The following LPIN1 variants were observed in gnomAD, a reference collection of about 807,000 sequenced individuals.
LPIN1 encodes the protein lipin 1.
Under a neutral mutation model 107.5 loss-of-function variants are expected in LPIN1, and 71 were observed. The observed-to-expected ratio is 0.66, with a 90% CI of 0.55 to 0.80. The LOEUF (loss-of-function observed/expected upper bound fraction) is 0.80, where lower values mean the gene tolerates loss of function less well. LPIN1 is among the 30% of genes least tolerant of loss of function. The probability of loss-of-function intolerance (pLI) is 0.00; values close to 1 mark genes in which losing one functional copy is unlikely to be tolerated. For synonymous variants in LPIN1, 445 were observed against 452.6 expected, an observed-to-expected ratio of 0.98 and a Z score of 0.21; for missense variants, 1,043 against 1,160.6, an observed-to-expected ratio of 0.90 and a Z score of 1.47.
chr2:11,772,503 C>T (rs1483377327), intron 4 of LPIN1, among the ~76,000 whole-genome samples: 1 of 152,202 alleles, frequency 6.6e-6, no homozygotes, highest in Non-Finnish European at 1.5e-5. Flanking sequence ...CTTATTTGAG[C>T]ACCAACGATG....
At chr2:11,681,813 G>A (rs1040985311) in intron 1 of LPIN1, among the ~76,000 whole-genome samples, 1 of 152,178 alleles carries the variant, frequency 6.6e-6, no homozygotes, top group Non-Finnish European at 1.5e-5. Context: ...GCTTTTGTTT[G>A]CCACCTGGGT....
upstream of LPIN1, among the ~76,000 whole-genome samples, chr2:11,720,815 A>C (rs1284008152): frequency 6.6e-6 from 1 of 151,904 alleles, no homozygotes; most frequent in Non-Finnish European, 1.5e-5. Flanking sequence ...TGGCTGATCC[A>C]GCTGTCTCCC....
intron 2 of LPIN1, among the ~76,000 whole-genome samples, chr2:11,717,657 A>T (rs4668740): frequency 0.98 from 148,982 of 152,252 alleles, 72,986 homozygotes; most frequent in East Asian, 1. Context: ...TTTAAAAAAA[A>T]TTATTTAGCA....
In LPIN1 at chr2:11,826,977, A is replaced by G. The variant is rs1443633957; in HGVS notation, c.*2186A>G. 6.6e-6 allele frequency: 1 copy of G among 152,652 alleles called. No individual in the cohort carries two copies. Among genetic ancestry groups the G allele is most frequent in the Non-Finnish European group, 1.5e-5 (1 of 68,044 alleles). The allele number at this position is 152,652 out of a possible 1,614,324, so 9.5% of individuals were successfully genotyped here. A position where few individuals can be genotyped will look rare whatever the true frequency, so the allele number is the denominator to read the frequency against. On this transcript the variant is annotated 3_prime_UTR_variant, in exon 21 of 21. Transcript: ENST00000674199. ...TCTGGCTTCTGAAAGTGAGATTTGT[A>G]TATGGGCTGCACTCACGCATATACG...
At chr2:11,766,526 T>C (rs1389276511) in intron 2 of LPIN1, among the ~76,000 whole-genome samples, 2 of 152,042 alleles carry the variant, frequency 1.3e-5, no homozygotes, top group Non-Finnish European at 2.9e-5. Context: ...AATCTACATA[T>C]TTAATAAGCC....
intron 7 of LPIN1, 120 bp from the exon 8 acceptor site, chr2:11,782,081 T>C (rs1214241200): frequency 2.6e-6 from 2 of 783,292 alleles, no homozygotes; most frequent in Non-Finnish European, 4.5e-6. Flanking sequence ...AGGTGATTGT[T>C]GAGGCTTAAA....
rs371467301 is a variant in LPIN1 at position 11,760,354 on chromosome 2, G to A, written c.-9-5179G>A. ...GCGGCTGGGAGGTGGAGGTTGTAGCGAGCCGAGATCACGTCACTGCACTCC... is the reference window on the plus strand; with the variant it reads ...GCGGCTGGGAGGTGGAGGTTGTAGCAAGCCGAGATCACGTCACTGCACTCC... On this transcript the variant is annotated intron_variant, in intron 1 of 20. Coordinates refer to ENST00000674199, the MANE Select transcript of LPIN1 (RefSeq NM_001349206.2). 2.5e-3 allele frequency among the ~76,000 whole-genome samples: 384 copies of A among 152,288 alleles called. 3 individuals carry two copies. The highest frequency in any genetic ancestry group is 7.1e-3 in the African/African-American group (295 of 41,550).
intron 20 of LPIN1, among the ~76,000 whole-genome samples, chr2:11,823,469 T>G (rs1429709685): frequency 6.6e-6 from 1 of 152,274 alleles, no homozygotes; most frequent in Admixed American, 6.5e-5. Context: ...TCCCATTTTG[T>G]GCAAGCACAC....
chr2:11,808,819 C>T (rs889133861), intron 17 of LPIN1, among the ~76,000 whole-genome samples: 1 of 148,518 alleles, frequency 6.7e-6, no homozygotes, highest in Non-Finnish European at 1.5e-5. Flanking sequence ...TGCAGTGAGC[C>T]GAGATCGCAC....
chr2:11,748,643 G>T (rs915976793), intron 1 of LPIN1, among the ~76,000 whole-genome samples: 5 of 152,210 alleles, frequency 3.3e-5, no homozygotes, highest in African/African-American at 1.2e-4. Context: ...CCTCTGCTCT[G>T]TAAATCATCC....
upstream of LPIN1, chr2:11,742,111 C>T (rs1050164398): frequency 1.3e-5 from 2 of 152,188 alleles, no homozygotes; most frequent in African/African-American, 4.8e-5. Flanking sequence ...TGAATTTGAG[C>T]CTGTTGGATT....
Position 11,788,351 on chromosome 2 carries a change from C to T in LPIN1, c.1644-36C>T, listed in dbSNP as rs142083008. The T allele has an allele frequency of 1.5e-3, 2,297 of 1,528,396 alleles. 5 individuals carry two copies. The highest frequency in any genetic ancestry group is 0.01 in the African/African-American group (737 of 73,250). The allele number at this position is 1,528,396 out of a possible 1,614,324, so 94.7% of individuals were successfully genotyped here. On this transcript the variant is annotated intron_variant, in intron 11 of 20. Coordinates refer to ENST00000674199, the MANE Select transcript of LPIN1 (RefSeq NM_001349206.2). ...TTGGAAAGGTTTTCAGTCTGAGCCT[C>T]GGTTTTTTGACATATATTTCATTGT...
In LPIN1 at chr2:11,719,253, G is replaced by T. The variant is rs577834784; in HGVS notation, c.138+5441G>T. On this transcript the variant is annotated intron_variant, in intron 2 of 21. Transcript: ENST00000449576. ...TATTTTTCCTCTTTCACATTGCAGG[G>T]TTTCCTCAAATGCCTGGCACTTTGT... is the stretch of plus-strand genomic sequence containing the variant. Among the ~76,000 whole-genome samples the T allele has an allele frequency of 3.9e-5, 6 of 152,096 alleles. No individual in the cohort carries two copies. In the South Asian group the frequency reaches 1.2e-3, roughly 32 times the overall value.
At chr2:11,762,165 T>C (rs914758462) in intron 1 of LPIN1, among the ~76,000 whole-genome samples, 2 of 152,030 alleles carry the variant, frequency 1.3e-5, no homozygotes, top group African/African-American at 4.8e-5. Flanking sequence ...GTTTACTGAT[T>C]GTCACTGGTT....
intron 1 of LPIN1, among the ~76,000 whole-genome samples, chr2:11,746,876 C>T (rs1439306033): frequency 6.6e-6 from 1 of 152,122 alleles, no homozygotes; most frequent in Non-Finnish European, 1.5e-5. Flanking sequence ...AAACAGGCCC[C>T]GGAGGCCGGG....
intron 17 of LPIN1, among the ~76,000 whole-genome samples, chr2:11,811,909 C>T (rs1251557313): frequency 2.0e-5 from 3 of 152,054 alleles, no homozygotes; most frequent in Admixed American, 6.5e-5. Context: ...CGCTTGAACC[C>T]GGGAGGCGGA....
chr2:11,692,196 G>T (rs2148508143), intron 1 of LPIN1, among the ~76,000 whole-genome samples: 1 of 152,336 alleles, frequency 6.6e-6, no homozygotes, highest in Non-Finnish European at 1.5e-5. Context: ...AAGCAAAAAG[G>T]CATCTGTCCT....
In LPIN1 at chr2:11,803,459, A is replaced by G. The variant is rs977518694; in HGVS notation, c.2013+426A>G. Reference sequence around the variant, plus strand: ...GATAGAATTTAGAGAATTTCAGGTAACCAGGGGCATCACCTGGTCATGGTG... The same window carrying G: ...GATAGAATTTAGAGAATTTCAGGTAGCCAGGGGCATCACCTGGTCATGGTG... On this transcript the variant is annotated intron_variant, in intron 15 of 20. Coordinates refer to ENST00000674199, the MANE Select transcript of LPIN1 (RefSeq NM_001349206.2). This position sits in a 1 kb window ranked among gnomAD's most constrained non-coding sequence, Gnocchi z 4.2. Among the ~76,000 whole-genome samples, 6 of 152,206 alleles carry G rather than the reference A, an allele frequency of 3.9e-5. No homozygotes were observed. Among genetic ancestry groups the G allele is most frequent in the Admixed American group, 1.3e-4 (2 of 15,288 alleles).
At chr2:11,732,687 C>T (rs1665358878) in intron 1 of LPIN1, among the ~76,000 whole-genome samples, 2 of 152,220 alleles carry the variant, frequency 1.3e-5, no homozygotes, top group Admixed American at 6.5e-5. Flanking sequence ...TAATAAAATC[C>T]TGCTGGTTGG....
Sources: gnomAD v4.1 joint callset for allele counts (sites outside exome capture counted in the v4.1 genomes callset) on GRCh38, gnomAD v4.1.1 for gene constraint, Gnocchi (gnomAD v3.1) non-coding constraint, MANE v1.5 for transcripts, NCBI Gene and HGNC (gene_info 2026-07-23, HGNC 2026-07-21) for gene names.